The following C9 variants were observed in gnomAD, a reference collection of about 807,000 sequenced individuals.
The protein encoded by C9 is complement C9, also known as complement component C9.
A neutral mutation model predicts 65.4 loss-of-function variants in C9; 63 were observed. The ratio of observed to expected loss-of-function variants is 0.96; its 90% CI spans 0.79 to 1.19. The LOEUF (loss-of-function observed/expected upper bound fraction) is 1.19, where lower values mean the gene tolerates loss of function less well. Ranked by LOEUF, C9 falls within the 50% of genes most tolerant of loss-of-function variation. C9 has a pLI of 0.00. For missense variants in C9, 744 were observed against 670.1 expected (o/e 1.11, Z -1.22); for synonymous variants, 229 against 227.9 (o/e 1.00, Z -0.04).
chr5:39,299,571 A>G (rs1753246922), intron 9 of C9, among the ~76,000 whole-genome samples: 1 of 152,152 alleles, frequency 6.6e-6, no homozygotes, highest in Non-Finnish European at 1.5e-5. Context: ...TGGATCTCAA[A>G]TGTGTAACAC....
At position 39,284,670 on chromosome 5, in the gene C9, T is replaced by A. The variant is rs1340830200; in HGVS notation, c.*529A>T. 6.5e-6 allele frequency: 1 copy of A among 153,394 alleles called. No individual in the cohort carries two copies. Among genetic ancestry groups the A allele is most frequent in the Admixed American group, 6.5e-5 (1 of 15,462 alleles). The allele number at this position is 153,394 out of a possible 1,614,324, so 9.5% of individuals were successfully genotyped here. A position where few individuals can be genotyped will look rare whatever the true frequency, so the allele number is the denominator to read the frequency against. On this transcript the variant is annotated 3_prime_UTR_variant, in exon 11 of 11. Coordinates refer to ENST00000263408, the MANE Select transcript of C9 (RefSeq NM_001737.5). ...TGTTTTCCCCCTTGGACACATGGATTTAAATCGTAGAGCTAAGACTAGTAA... is the reference window on the plus strand; with the variant it reads ...TGTTTTCCCCCTTGGACACATGGATATAAATCGTAGAGCTAAGACTAGTAA...
At chr5:39,334,556 G>C in intron 4 of C9, among the ~76,000 whole-genome samples, 1 of 147,944 alleles carries the variant, frequency 6.8e-6, no homozygotes, top group East Asian at 2.0e-4. Context: ...CGCCCCGTCC[G>C]GGAGGGAGGT....
At chr5:39,318,230 A>G in intron 5 of C9, among the ~76,000 whole-genome samples, 1 of 152,138 alleles carries the variant, frequency 6.6e-6, no homozygotes, top group South Asian at 2.1e-4. Flanking sequence ...AGTAGCTTAT[A>G]AGCTTAAGAA....
At chr5:39,353,954 T>G (rs1284134908) in intron 1 of C9, among the ~76,000 whole-genome samples, 1 of 152,138 alleles carries the variant, frequency 6.6e-6, no homozygotes, top group Non-Finnish European at 1.5e-5. Context: ...CTCTCTAGGG[T>G]GTGATCTCCT....
At chr5:39,316,081 A>G (rs1165479466) in intron 5 of C9, 52 bp from the exon 6 acceptor site, 2 of 1,485,164 alleles carry the variant, frequency 1.3e-6, no homozygotes, top group South Asian at 2.3e-5. Context: ...AACAAAAGGA[A>G]AAACAAGCAG....
At chr5:39,309,464 G>A (rs991252215) in intron 7 of C9, among the ~76,000 whole-genome samples, 1 of 152,150 alleles carries the variant, frequency 6.6e-6, no homozygotes, top group African/African-American at 2.4e-5. Context: ...CAATTAGTGA[G>A]AACTTAGAAA....
At chr5:39,344,299 A>G (rs765813370) in intron 1 of C9, among the ~76,000 whole-genome samples, 1 of 152,234 alleles carries the variant, frequency 6.6e-6, no homozygotes, top group Non-Finnish European at 1.5e-5. Flanking sequence ...ATGGCTAACT[A>G]GAATAACCAC....
intron 9 of C9, among the ~76,000 whole-genome samples, chr5:39,300,138 T>G (rs1199252899): frequency 6.6e-6 from 1 of 152,030 alleles, no homozygotes. Flanking sequence ...ATAGGCTGGG[T>G]GCAGTGGCTC....
At chr5:39,355,645 C>T (rs950896981) in intron 1 of C9, among the ~76,000 whole-genome samples, 4 of 152,172 alleles carry the variant, frequency 2.6e-5, no homozygotes, top group African/African-American at 9.7e-5. Flanking sequence ...CTTACATTCT[C>T]TGGATGTTAA....
At chr5:39,304,629 A>T (rs1253582186) in intron 9 of C9, among the ~76,000 whole-genome samples, 1 of 152,172 alleles carries the variant, frequency 6.6e-6, no homozygotes, top group Non-Finnish European at 1.5e-5. Context: ...TCTTTCTACA[A>T]GAAGATAAAT....
At chr5:39,355,332 C>T (rs1754396245) in intron 1 of C9, among the ~76,000 whole-genome samples, 1 of 152,188 alleles carries the variant, frequency 6.6e-6, no homozygotes, top group Admixed American at 6.5e-5. Flanking sequence ...TGACTAGACC[C>T]TGCTCCAATG....
At chr5:39,286,681 T>C (rs976262172) in intron 10 of C9, among the ~76,000 whole-genome samples, 1 of 151,806 alleles carries the variant, frequency 6.6e-6, no homozygotes, top group African/African-American at 2.4e-5. Flanking sequence ...AAAATAGACG[T>C]TCCAAGTACC....
At chr5:39,348,654 A>C (rs933474880) in intron 1 of C9, among the ~76,000 whole-genome samples, 2 of 152,194 alleles carry the variant, frequency 1.3e-5, no homozygotes, top group Non-Finnish European at 2.9e-5. Flanking sequence ...CATTTGACCC[A>C]GCCATCCCAT....
At chr5:39,333,894 A>G (rs1009488593) in intron 4 of C9, among the ~76,000 whole-genome samples, 6 of 151,460 alleles carry the variant, frequency 4.0e-5, no homozygotes, top group African/African-American at 1.2e-4. Flanking sequence ...GATTGCAGAC[A>G]GAGTCTCGTT....
chr5:39,340,566 G>C (rs1163523982), intron 4 of C9, among the ~76,000 whole-genome samples: 4 of 152,318 alleles, frequency 2.6e-5, no homozygotes, highest in Non-Finnish European at 5.9e-5. Context: ...ACAGCCATCT[G>C]TCCAGAGCCC....
chr5:39,351,622 G>A (rs921390538), intron 1 of C9, among the ~76,000 whole-genome samples: 1 of 152,150 alleles, frequency 6.6e-6, no homozygotes, highest in Non-Finnish European at 1.5e-5. Context: ...CAGATTCCTA[G>A]AGCATGGGCA....
chr5:39,346,756 G>A (rs1754205524), intron 1 of C9, among the ~76,000 whole-genome samples: 1 of 152,162 alleles, frequency 6.6e-6, no homozygotes, highest in South Asian at 2.1e-4. Context: ...GATGAACATT[G>A]ATGCAAAAAT....
chr5:39,311,273 A>C lies in C9; in HGVS notation c.975T>G (p.Ala325=). ...LTTTFVDDIK[A]LPTTYEKGEY... ...CTCCCTTTTCATAGGTAGTTGGCAA[A>C]GCTTTTATATCATCCACAAAAGTTG... The change falls in exon 7 of 11, where the codon GCT becomes GCG. Residue 325 remains alanine (A), a synonymous_variant. Coordinates refer to ENST00000263408, the MANE Select transcript of C9 (RefSeq NM_001737.5). 1 of 1,613,860 alleles carries C rather than the reference A, an allele frequency of 6.2e-7. No homozygotes were observed.
At chr5:39,308,605 G>A (rs1753421446) in intron 7 of C9, among the ~76,000 whole-genome samples, 1 of 152,110 alleles carries the variant, frequency 6.6e-6, no homozygotes, top group African/African-American at 2.4e-5. Context: ...AAGGGATATA[G>A]GTCAGACTAT....
Sources: gnomAD v4.1 joint callset for allele counts (sites outside exome capture counted in the v4.1 genomes callset) on GRCh38, gnomAD v4.1.1 for gene constraint, MANE v1.5 for transcripts, NCBI Gene and HGNC (gene_info 2026-07-23, HGNC 2026-07-21) for gene names.